The following RPE variants were observed in gnomAD, a reference collection of about 807,000 sequenced individuals.
RPE encodes the protein ribulose-phosphate 3-epimerase.
Under a neutral mutation model 24.6 loss-of-function variants are expected in RPE, and 16 were observed. The ratio of observed to expected loss-of-function variants is 0.65; its 90% CI spans 0.44 to 0.99. RPE has a LOEUF of 0.99. RPE is among the 50% of genes least tolerant of loss of function. The pLI is 0.00. For missense variants in RPE, 240 were observed against 294.5 expected, an observed-to-expected ratio of 0.81 and a Z score of 1.35; for synonymous variants, 93 against 98.4, an observed-to-expected ratio of 0.94 and a Z score of 0.33.
At position 210,019,847 on chromosome 2, in the gene RPE, G is replaced by C. The variant is rs2125096184; in HGVS notation, c.*56G>C. 1 of 1,562,508 alleles carries C rather than the reference G, an allele frequency of 6.4e-7. No homozygotes were observed. The highest frequency in any genetic ancestry group is 2.3e-5 in the East Asian group (1 of 43,424). The stretch of plus-strand genomic sequence containing the variant: ...GAAATCTCCCTTTTACTGGAAAACA[G>C]GAATATTGACTACCAAATCACAATG... On this transcript the variant is annotated 3_prime_UTR_variant, in exon 6 of 6. Coordinates refer to ENST00000359429, the MANE Select transcript of RPE (RefSeq NM_199229.3).
chr2:210,016,811 T>A (rs1307335708), intron 4 of RPE, among the ~76,000 whole-genome samples, 170 bp downstream of exon 4: 3 of 152,210 alleles, frequency 2.0e-5, no homozygotes, highest in African/African-American at 4.8e-5. Flanking sequence ...GATTTCTGAT[T>A]TGGAAATCAG....
intron 3 of RPE, 57 bp downstream of exon 3, chr2:210,016,169 C>T (rs7570090): frequency 0.45 from 719,384 of 1,613,252 alleles, 161,826 homozygotes; most frequent in East Asian, 0.49. Context: ...GGAAGATTTG[C>T]GGGAAACAGG....
chr2:210,020,048 A>C lies in RPE; in HGVS notation c.*257A>C. On this transcript the variant is annotated 3_prime_UTR_variant, in exon 6 of 6. Transcript: ENST00000359429. Reference sequence around the variant, plus strand: ...TTGAGAGATTTGATTTTTATAAAGTAAAAATACGGCTGCATTAGGGTTACA... The same window carrying C: ...TTGAGAGATTTGATTTTTATAAAGTCAAAATACGGCTGCATTAGGGTTACA... The C allele has an allele frequency of 3.5e-6, 1 of 289,618 alleles. No individual in the cohort carries two copies. The highest frequency in any genetic ancestry group is 6.6e-6 in the Non-Finnish European group (1 of 150,836). The allele number at this position is 289,618 out of a possible 1,614,324, so 17.9% of individuals were successfully genotyped here. A position where few individuals can be genotyped will look rare whatever the true frequency, so the allele number is the denominator to read the frequency against.
rs1324528322 is a variant in RPE, at chr2:210,020,966, G to A, written c.*1175G>A. On this transcript the variant is annotated 3_prime_UTR_variant, in exon 6 of 6. Transcript: ENST00000359429. ...TTTACTTAACGTTGTCTTATTTCCA[G>A]TCTAATTTTACGCTGTAGCAGAACC... The A allele has an allele frequency of 1.3e-5, 2 of 152,140 alleles. No homozygotes were observed. Among genetic ancestry groups the A allele is most frequent in the African/African-American group, 2.4e-5 (1 of 41,428 alleles). The allele number at this position is 152,140 out of a possible 1,614,324, so 9.4% of individuals were successfully genotyped here.
chr2:210,015,734 A>T (rs183393680), intron 2 of RPE, among the ~76,000 whole-genome samples: 28 of 152,274 alleles, frequency 1.8e-4, no homozygotes, highest in Admixed American at 1.8e-3. Flanking sequence ...TTAACTTTTT[A>T]TATACAGCAC....
intron 1 of RPE, among the ~76,000 whole-genome samples, chr2:210,006,125 GAA>G (rs2093627599): frequency 6.6e-6 from 1 of 152,074 alleles, no homozygotes; most frequent in African/African-American, 2.4e-5. Flanking sequence ...TAACTTAAAG[GAA>G]AAAGAGGCAG....
At chr2:210,017,425 C>CCACAAAAACACAA in intron 4 of RPE, 48 bp from the exon 5 acceptor site, 3 of 1,104,252 alleles carry the variant, frequency 2.7e-6, no homozygotes, top group Non-Finnish European at 4.0e-6. Context: ...CCACCCCCAC[C>CCACAAAAACACAA]AACATACCCA....
intron 2 of RPE, 78 bp downstream of exon 2, chr2:210,009,814 A>G: frequency 6.3e-7 from 1 of 1,586,892 alleles, no homozygotes; most frequent in Non-Finnish European, 8.7e-7. Context: ...TTTAACTTCC[A>G]AGTTCATCTG....
At position 210,018,600 on chromosome 2, in the gene RPE, T is replaced by C. The variant is rs1045792703; in HGVS notation, c.564+1041T>C. 19 of 985,138 alleles carry C rather than the reference T, an allele frequency of 1.9e-5. No homozygotes were observed. In the East Asian group the frequency reaches 3.4e-4, roughly 18 times the overall value. 61.0% of individuals were successfully genotyped at this position (985,138 alleles called of 1,614,324 possible). A position where few individuals can be genotyped will look rare whatever the true frequency, so the allele number is the denominator to read the frequency against. ...AAAGCTTGACAGTAGTAAATACTTA[T>C]GCAGGAGGGGCTGGCCAGATGATGA... On this transcript the variant is annotated intron_variant, in intron 5 of 5. Transcript: ENST00000359429.
In RPE at chr2:210,019,958, T is replaced by C. The variant is rs1376737389; in HGVS notation, c.*167T>C. ...GCAGAATATTCTAAGAGGTCAGAAA[T>C]TGGTGTGTATAACTACATTTTTAGT... On this transcript the variant is annotated 3_prime_UTR_variant, in exon 6 of 6. Transcript: ENST00000359429. 3 of 839,818 alleles carry C rather than the reference T, an allele frequency of 3.6e-6. No homozygotes were observed. The highest frequency in any genetic ancestry group is 5.2e-6 in the Non-Finnish European group (3 of 573,894). 52.0% of individuals were successfully genotyped at this position (839,818 alleles called of 1,614,324 possible).
intron 1 of RPE, 63 bp downstream of exon 1, chr2:210,002,846 G>T: frequency 6.2e-7 from 1 of 1,613,008 alleles, no homozygotes; most frequent in South Asian, 1.1e-5. Context: ...CACCTTTATT[G>T]ACTGCTTGTT....
At chr2:210,018,427 CAT>C in intron 5 of RPE, 1 of 983,320 alleles carries the variant, frequency 1.0e-6, no homozygotes, top group Non-Finnish European at 1.2e-6. Context: ...GCTAGTCTAG[CAT>C]AGTCAGGCTC....
At chr2:210,018,525 C>T (rs2093811080) in intron 5 of RPE, 1 of 984,784 alleles carries the variant, frequency 1.0e-6, no homozygotes, top group Admixed American at 6.2e-5. Context: ...GTATCTACTT[C>T]CAGGTTCTTG....
In RPE at chr2:210,017,490, C is replaced by A. The variant is rs994308524; in HGVS notation, c.495C>A (p.Thr165=). Residue 165 remains threonine (T), a synonymous_variant, in exon 5 of 6, where the codon ACC becomes ACA. Coordinates refer to ENST00000359429, the MANE Select transcript of RPE (RefSeq NM_199229.3). ...ATATCTAGGTTCACTGGTTGAGGAC[C>A]CAGTTCCCATCTTTGGATATAGAGG... ...DMMPKVHWLR[T]QFPSLDIEVD... 2.5e-6 allele frequency: 4 copies of A among 1,579,434 alleles called. No individual in the cohort carries two copies. The highest frequency in any genetic ancestry group is 3.4e-6 in the Non-Finnish European group (4 of 1,159,458).
At position 210,005,816 on chromosome 2, in the gene RPE, T is replaced by A. The variant is rs566891277; in HGVS notation, c.122+3033T>A. 1.5e-4 allele frequency among the ~76,000 whole-genome samples: 23 copies of A among 152,306 alleles called. 1 individual carries two copies. In the South Asian group the frequency reaches 4.8e-3, roughly 32 times the overall value. On this transcript the variant is annotated intron_variant, in intron 1 of 5. Transcript: ENST00000359429. ...CTAACTCTCAGCAGCATTGAGTTTGTGATTCCTGATTCACAGGAAGATTGT... is the reference window on the plus strand; with the variant it reads ...CTAACTCTCAGCAGCATTGAGTTTGAGATTCCTGATTCACAGGAAGATTGT...
intron 3 of RPE, 109 bp from the exon 4 acceptor site, chr2:210,016,398 T>C (rs1337665840): frequency 6.4e-7 from 1 of 1,571,260 alleles, no homozygotes; most frequent in East Asian, 2.2e-5. Context: ...AATAGTCTTG[T>C]TAACTTTTAA....
intron 1 of RPE, among the ~76,000 whole-genome samples, chr2:210,003,692 C>T (rs969023312): frequency 6.6e-6 from 1 of 152,110 alleles, no homozygotes; most frequent in African/African-American, 2.4e-5. Context: ...TCATAAATAC[C>T]ATTATCTTGA....
intron 5 of RPE, 171 bp downstream of exon 5, chr2:210,017,730 ATGCTTTTTTT>A (rs1445801129): frequency 8.8e-5 from 33 of 376,442 alleles, no homozygotes; most frequent in African/African-American, 5.5e-5. Flanking sequence ...ATAAGTGGAT[ATGCTTTTTTT>A]TTTTTTTTTT....
At chr2:210,018,156 TTTGGAAGATCATTAAGTTTCACGGCC>T (rs1345823874) in intron 5 of RPE, 1 of 1,533,324 alleles carries the variant, frequency 6.5e-7, no homozygotes, top group South Asian at 1.2e-5. Flanking sequence ...ATTTCAGCCC[TTTGGAAGATCATTAAGTTTCACGGCC>T]TTGGAAGTGA....
Sources: gnomAD v4.1 joint callset for allele counts (sites outside exome capture counted in the v4.1 genomes callset) on GRCh38, gnomAD v4.1.1 for gene constraint, MANE v1.5 for transcripts, NCBI Gene and HGNC (gene_info 2026-07-23, HGNC 2026-07-21) for gene names.